The following SDK1 variants were observed in gnomAD, a reference collection of about 807,000 sequenced individuals.
The protein encoded by SDK1 is sidekick cell adhesion molecule 1.
SDK1 carries 157 observed loss-of-function variants against 245.5 expected under a neutral mutation model. The observed-to-expected ratio is 0.64, with a 90% CI of 0.56 to 0.73. SDK1 has a LOEUF of 0.73. Among genes scored for constraint, SDK1 ranks in the 30% least tolerant of loss-of-function variants. The pLI is 0.00. For missense variants in SDK1, 3,583 were observed against 3,002.3 expected (o/e 1.19, Z -4.52); for synonymous variants, 1,647 against 1,278.5 (o/e 1.29, Z -6.15).
chr7:3,429,499 A>G (rs1779770608), intron 1 of SDK1, among the ~76,000 whole-genome samples: 1 of 152,102 alleles, frequency 6.6e-6, no homozygotes, highest in African/African-American at 2.4e-5. Flanking sequence ...TGCATCTCTC[A>G]TTTTTGATCT....
At chr7:3,364,622 A>G (rs1413395883) in intron 1 of SDK1, among the ~76,000 whole-genome samples, 1 of 152,002 alleles carries the variant, frequency 6.6e-6, no homozygotes, top group Non-Finnish European at 1.5e-5. Context: ...TTTCTACTCT[A>G]TTTCATTGAT....
intron 5 of SDK1, among the ~76,000 whole-genome samples, chr7:3,930,780 G>C (rs556173152): frequency 6.6e-6 from 1 of 152,080 alleles, no homozygotes; most frequent in African/African-American, 2.4e-5. Context: ...GTGACAGAGT[G>C]ACACTCTGTC....
chr7:3,461,383 C>G (rs1780827211), intron 1 of SDK1, among the ~76,000 whole-genome samples: 1 of 152,134 alleles, frequency 6.6e-6, no homozygotes, highest in African/African-American at 2.4e-5. Context: ...AGTGGTATAA[C>G]AAAGATATCA....
intron 5 of SDK1, among the ~76,000 whole-genome samples, chr7:3,825,405 A>C (rs1292553365): frequency 6.6e-6 from 1 of 151,926 alleles, no homozygotes; most frequent in East Asian, 1.9e-4. Context: ...GCCATTGTAC[A>C]TGCCTTAGAC....
chr7:3,429,059 C>CA (rs1448595382), intron 1 of SDK1, among the ~76,000 whole-genome samples: 11 of 152,098 alleles, frequency 7.2e-5, no homozygotes, highest in African/African-American at 2.4e-4. Context: ...GGCTGGTAGT[C>CA]AGAGTCCACA....
In SDK1 at chr7:3,418,145, G is replaced by GCAAAAAAAA. The variant is rs1292199670; in HGVS notation, c.298+116261_298+116262insCAAAAAAAA. On this transcript the variant is annotated intron_variant, in intron 1 of 44. Coordinates refer to ENST00000404826, the MANE Select transcript of SDK1 (RefSeq NM_152744.4). ...GTGAAACCCGATCTCTACTAAAAAT[G>GCAAAAAAAA]AAAAAAAAAAAAAAAAAAAAAAATA... is the stretch of plus-strand genomic sequence containing the variant. 3.0e-3 allele frequency among the ~76,000 whole-genome samples: 364 copies of GCAAAAAAAA among 119,678 alleles called. 32 individuals carry two copies. The highest frequency in any genetic ancestry group is 0.012 in the African/African-American group (306 of 25,758). The allele number at this position is 119,678 out of a possible 152,430, so 78.5% of individuals were successfully genotyped here. A position where few individuals can be genotyped will look rare whatever the true frequency, so the allele number is the denominator to read the frequency against.
At chr7:3,456,187 CTA>C (rs1212786933) in intron 1 of SDK1, among the ~76,000 whole-genome samples, 5 of 152,086 alleles carry the variant, frequency 3.3e-5, no homozygotes, top group Admixed American at 6.6e-5. Flanking sequence ...ATTTGTCTTG[CTA>C]TGTTTTTCCT....
intron 4 of SDK1, among the ~76,000 whole-genome samples, chr7:3,659,200 C>G (rs901712788): frequency 6.6e-6 from 1 of 152,050 alleles, no homozygotes; most frequent in Non-Finnish European, 1.5e-5. Flanking sequence ...GGACTACGTT[C>G]TGTGGGGGTA....
At chr7:3,342,192 T>G (rs750637571) in intron 1 of SDK1, among the ~76,000 whole-genome samples, 2 of 152,194 alleles carry the variant, frequency 1.3e-5, no homozygotes, top group Non-Finnish European at 2.9e-5. Context: ...TGGACATCCA[T>G]AGACGAAATG....
chr7:4,109,939 G>A (rs766977287), intron 22 of SDK1, among the ~76,000 whole-genome samples: 1 of 152,202 alleles, frequency 6.6e-6, no homozygotes, highest in Non-Finnish European at 1.5e-5. Context: ...TGGGGCAGGA[G>A]CAAAGACTCG....
intron 5 of SDK1, among the ~76,000 whole-genome samples, chr7:3,920,538 A>T (rs530892994): frequency 6.9e-4 from 105 of 152,234 alleles, no homozygotes; most frequent in Admixed American, 1.0e-3. Flanking sequence ...AGGAGTATGT[A>T]AGGAACAGAT....
Position 3,987,254 on chromosome 7 carries a change from T to C in SDK1, c.2063T>C (p.Leu688Pro). The change falls in exon 14 of 45, where the codon CTC becomes CCC. Residue 688 changes from leucine (L) to proline (P), a missense_variant. Leu to Pro is a moderately conservative substitution (Grantham distance 98, BLOSUM62 -3). Coordinates refer to ENST00000404826, the MANE Select transcript of SDK1 (RefSeq NM_152744.4). Reference sequence around the variant, plus strand: ...TCTTCCCACAGCCACGCCGTGGTGCTCTCTTGGGTCCGGCCCTTTGATGGA... The same window carrying C: ...TCTTCCCACAGCCACGCCGTGGTGCCCTCTTGGGTCCGGCCCTTTGATGGA... ...PNSSHSHAVV[L>P]SWVRPFDGNS... 1 of 1,614,068 alleles carries C rather than the reference T, an allele frequency of 6.2e-7. No homozygotes were observed. The highest frequency in any genetic ancestry group is 8.5e-7 in the Non-Finnish European group (1 of 1,179,926).
intron 22 of SDK1, among the ~76,000 whole-genome samples, chr7:4,109,600 C>T (rs1010403135): frequency 6.6e-6 from 1 of 152,224 alleles, no homozygotes; most frequent in Admixed American, 6.5e-5. Context: ...GCCACACGGC[C>T]ACACGAAACC....
rs768104403 is a variant in SDK1 at position 4,017,218 on chromosome 7, C to T, written c.2468C>T (p.Thr823Ile). ...GGAGAGTACCAGCAGCGGAACATCA[C>T]CAGCCCGGAGGTGAACTACTGCCTG... ...LPGEYQQRNI[T>I]SPEVNYCLVT... Residue 823 changes from threonine (T) to isoleucine (I), a missense_variant, in exon 17 of 45, where the codon ACC (threonine) becomes ATC (isoleucine). Transcript: ENST00000404826. 1.2e-6 allele frequency: 2 copies of T among 1,613,890 alleles called. No individual in the cohort carries two copies. The highest frequency in any genetic ancestry group is 4.5e-5 in the East Asian group (2 of 44,862).
At chr7:3,746,239 C>A (rs968038626) in intron 4 of SDK1, among the ~76,000 whole-genome samples, 1 of 152,102 alleles carries the variant, frequency 6.6e-6, no homozygotes, top group African/African-American at 2.4e-5. Context: ...ATTTACATAC[C>A]TTAATTCAAA....
At chr7:3,494,157 C>G (rs923906631) in intron 1 of SDK1, among the ~76,000 whole-genome samples, 1 of 152,072 alleles carries the variant, frequency 6.6e-6, no homozygotes, top group Non-Finnish European at 1.5e-5. Context: ...CCCCAACATT[C>G]AAAATAGCTA....
intron 5 of SDK1, among the ~76,000 whole-genome samples, chr7:3,823,897 A>G (rs541847641): frequency 4.9e-4 from 74 of 151,812 alleles, no homozygotes; most frequent in African/African-American, 1.6e-3. Context: ...CTGGTGACAT[A>G]CGGGATTTAC....
chr7:3,887,496 G>T (rs1257446817), intron 5 of SDK1, among the ~76,000 whole-genome samples: 2 of 152,046 alleles, frequency 1.3e-5, no homozygotes, highest in African/African-American at 2.4e-5. Flanking sequence ...CATTTCCTGG[G>T]GATTTCTGAA....
chr7:3,371,399 C>T (rs929954634), intron 1 of SDK1, among the ~76,000 whole-genome samples: 5 of 151,962 alleles, frequency 3.3e-5, no homozygotes, highest in African/African-American at 1.2e-4. Flanking sequence ...GTGTCTCTCT[C>T]TGAAAATGGT....
Sources: gnomAD v4.1 joint callset for allele counts (sites outside exome capture counted in the v4.1 genomes callset) on GRCh38, gnomAD v4.1.1 for gene constraint, MANE v1.5 for transcripts, NCBI Gene and HGNC (gene_info 2026-07-23, HGNC 2026-07-21) for gene names.